The following TXNRD2 variants were observed in gnomAD, a reference collection of about 807,000 sequenced individuals.
The protein encoded by TXNRD2 is thioredoxin reductase 2, mitochondrial.
TXNRD2 carries 67 observed loss-of-function variants against 70.8 expected under a neutral mutation model. The observed-to-expected ratio is 0.95, with a 90% CI of 0.78 to 1.16. The LOEUF (loss-of-function observed/expected upper bound fraction) is 1.16, where lower values mean the gene tolerates loss of function less well. Ranked by LOEUF, TXNRD2 falls within the 50% of genes most tolerant of loss-of-function variation. The probability of loss-of-function intolerance (pLI) is 0.00; values close to 1 mark genes in which losing one functional copy is unlikely to be tolerated. For missense variants in TXNRD2, 644 were observed against 719.9 expected (o/e 0.89, Z 1.21); for synonymous variants, 301 against 295.8 (o/e 1.02, Z -0.18).
At chr22:19,909,895 A>ACCCTACT (rs1940312259) in intron 8 of TXNRD2, among the ~76,000 whole-genome samples, 2 of 25,548 alleles carry the variant, frequency 7.8e-5, no homozygotes, top group Admixed American at 1.0e-3. Flanking sequence ...ACTCACACAC[A>ACCCTACT]CACACACCAC....
chr22:19,885,491 G>T (rs373644827), intron 11 of TXNRD2, among the ~76,000 whole-genome samples: 1 of 152,224 alleles, frequency 6.6e-6, no homozygotes, highest in East Asian at 1.9e-4. Flanking sequence ...CTGCTCAGCC[G>T]CAGGAATTGG....
chr22:19,884,387 A>G (rs1248582130), intron 11 of TXNRD2: 1 of 152,294 alleles, frequency 6.6e-6, no homozygotes. Flanking sequence ...CCCTGACATC[A>G]AAGAGTGCTA....
chr22:19,930,799 C>A (rs1408430522), intron 2 of TXNRD2, among the ~76,000 whole-genome samples: 1 of 152,168 alleles, frequency 6.6e-6, no homozygotes, highest in Admixed American at 6.5e-5. Flanking sequence ...AGCAGAAGAG[C>A]TGGAGGGCTG....
intron 8 of TXNRD2, among the ~76,000 whole-genome samples, chr22:19,900,923 G>A (rs982786405): frequency 6.6e-6 from 1 of 152,204 alleles, no homozygotes. Context: ...CTTCCTGCTG[G>A]GCTGTGCAGG....
intron 2 of TXNRD2, among the ~76,000 whole-genome samples, chr22:19,930,804 G>C (rs2146089319): frequency 6.6e-6 from 1 of 152,326 alleles, no homozygotes; most frequent in East Asian, 1.9e-4. Flanking sequence ...AAGAGCTGGA[G>C]GGCTGGAGCT....
intron 5 of TXNRD2, 135 bp downstream of exon 5, chr22:19,918,008 C>T: frequency 2.6e-6 from 2 of 758,684 alleles, no homozygotes; most frequent in South Asian, 2.9e-5. Flanking sequence ...TGTCCTCATC[C>T]CCACCCATGA....
intron 1 of TXNRD2, 127 bp downstream of exon 1, chr22:19,941,574 C>T: frequency 3.1e-6 from 4 of 1,309,988 alleles, no homozygotes; most frequent in Non-Finnish European, 3.9e-6. Flanking sequence ...ACCAAGAGGC[C>T]GGTATGTGGA....
intron 1 of TXNRD2, among the ~76,000 whole-genome samples, chr22:19,931,644 C>T (rs1480019178): frequency 2.0e-5 from 3 of 152,152 alleles, no homozygotes; most frequent in Non-Finnish European, 4.4e-5. Context: ...GCTGGGACTA[C>T]AAGCACCGAT....
At position 19,875,549 on chromosome 22, in the gene TXNRD2, A is replaced by G. The variant is rs1938467035; in HGVS notation, c.*324T>C. On this transcript the variant is annotated 3_prime_UTR_variant, in exon 18 of 18. Coordinates refer to ENST00000400521, the MANE Select transcript of TXNRD2 (RefSeq NM_006440.5). ...CAGAAAAAGTACCCTCTTTATTTGC[A>G]TTGCAGAAATGCCAGGGGGCTCGGA... 1 of 152,222 alleles carries G rather than the reference A, an allele frequency of 6.6e-6. No homozygotes were observed. 9.4% of individuals were successfully genotyped at this position (152,222 alleles called of 1,614,324 possible).
At chr22:19,903,265 G>A (rs1036562168) in intron 8 of TXNRD2, among the ~76,000 whole-genome samples, 4 of 152,254 alleles carry the variant, frequency 2.6e-5, no homozygotes, top group African/African-American at 9.6e-5. Flanking sequence ...GACCCTGGTT[G>A]TTTCCGGGAA....
Position 19,903,377 on chromosome 22 carries a change from G to A in TXNRD2, c.663-4309C>T, listed in dbSNP as rs151161616. Among the ~76,000 whole-genome samples, 311 of 152,330 alleles carry A rather than the reference G, an allele frequency of 2.0e-3. 3 individuals are homozygous for A. The highest frequency in any genetic ancestry group is 6.3e-3 in the African/African-American group (262 of 41,564). On this transcript the variant is annotated intron_variant, in intron 8 of 17. Transcript: ENST00000400521. Reference sequence around the variant, plus strand: ...CTCAGAGCCCTGCTTTGCAGAAAGCGGACCTACAGACACAGCAAGAGGGAG... The same window carrying A: ...CTCAGAGCCCTGCTTTGCAGAAAGCAGACCTACAGACACAGCAAGAGGGAG...
chr22:19,894,866 T>A (rs1460656632), intron 11 of TXNRD2: 1 of 611,774 alleles, frequency 1.6e-6, no homozygotes, highest in Non-Finnish European at 2.5e-6. Flanking sequence ...TGGGCGCCTG[T>A]AGCCCCAGCT....
chr22:19,879,748 C>T (rs2145930630), intron 14 of TXNRD2, among the ~76,000 whole-genome samples: 1 of 152,172 alleles, frequency 6.6e-6, no homozygotes, highest in African/African-American at 2.4e-5. Context: ...CTTTCAGGGA[C>T]AAGCTGCTGT....
At chr22:19,941,653 C>A in intron 1 of TXNRD2, 48 bp downstream of exon 1, 1 of 1,423,274 alleles carries the variant, frequency 7.0e-7, no homozygotes. Context: ...ACGAGGACAC[C>A]CCGGCCGCGC....
chr22:19,941,547 C>T, intron 1 of TXNRD2, 154 bp downstream of exon 1: 1 of 1,257,624 alleles, frequency 8.0e-7, no homozygotes, highest in Non-Finnish European at 1.0e-6. Flanking sequence ...GCAGCCCGGA[C>T]TCCTGAGCAA....
chr22:19,895,841 C>G (rs1419584554), intron 10 of TXNRD2, among the ~76,000 whole-genome samples: 1 of 152,206 alleles, frequency 6.6e-6, no homozygotes, highest in East Asian at 1.9e-4. Context: ...TGCTAATTAA[C>G]TAAGTCTTCA....
intron 11 of TXNRD2, among the ~76,000 whole-genome samples, chr22:19,892,762 TC>T (rs1351580537): frequency 2.0e-5 from 3 of 152,108 alleles, no homozygotes; most frequent in Non-Finnish European, 4.4e-5. Flanking sequence ...ACTCGCCACC[TC>T]CCCTTTAGAG....
intron 11 of TXNRD2, among the ~76,000 whole-genome samples, chr22:19,885,574 G>A (rs1938992364): frequency 6.6e-6 from 1 of 152,234 alleles, no homozygotes; most frequent in Non-Finnish European, 1.5e-5. Context: ...AGAGGAAGGA[G>A]CTGGGCCCCA....
intron 1 of TXNRD2, chr22:19,932,357 C>A (rs1006082615): frequency 1.9e-6 from 3 of 1,612,630 alleles, no homozygotes; most frequent in Non-Finnish European, 2.5e-6. Flanking sequence ...GTCGCCTCAC[C>A]TTGGTCCTCC....
Sources: gnomAD v4.1 joint callset for allele counts (sites outside exome capture counted in the v4.1 genomes callset) on GRCh38, gnomAD v4.1.1 for gene constraint, MANE v1.5 for transcripts, NCBI Gene and HGNC (gene_info 2026-07-23, HGNC 2026-07-21) for gene names.